OLFM1: variants seen among roughly 807,000 people sequenced by gnomAD.
OLFM1 encodes olfactomedin 1, also known as noelin.
Under a neutral mutation model 49.7 loss-of-function variants are expected in OLFM1, and 9 were observed. The observed-to-expected ratio is 0.18, with a 90% CI of 0.11 to 0.32. The LOEUF is 0.32. OLFM1 is among the 10% of genes least tolerant of loss of function. The probability of loss-of-function intolerance (pLI) is 1.00; values close to 1 mark genes in which losing one functional copy is unlikely to be tolerated. For synonymous variants in OLFM1, 240 were observed against 271.8 expected (o/e 0.88, Z 1.15); for missense variants, 369 against 661.8 (o/e 0.56, Z 4.85).
chr9:135,090,313 G>T lies in OLFM1; in HGVS notation c.269G>T (p.Arg90Leu). ...PQQTMCSRDARTKQLRQLLEK... is the reference protein window; with the variant it reads ...PQQTMCSRDALTKQLRQLLEK... ...CAGACCATGTGTTCACGGGATGCCC[G>T]CACAAAACAGCTGAGGCAGCTACTG... is the stretch of plus-strand genomic sequence containing the variant. The change falls in exon 2 of 6, where the codon CGC becomes CTC. Residue 90 changes from arginine (R) to leucine (L), a missense_variant. Coordinates refer to ENST00000371793, the MANE Select transcript of OLFM1 (RefSeq NM_001282611.2). 1 of 1,613,962 alleles carries T rather than the reference G, an allele frequency of 6.2e-7. No individual in the cohort carries two copies. Among genetic ancestry groups the T allele is most frequent in the Non-Finnish European group, 8.5e-7 (1 of 1,179,982 alleles).
intron 4 of OLFM1, among the ~76,000 whole-genome samples, chr9:135,101,722 C>G (rs1390037631): frequency 6.6e-6 from 1 of 152,180 alleles, no homozygotes; most frequent in Admixed American, 6.5e-5. Flanking sequence ...TCCAGGGGAG[C>G]CTGCAGAGTC....
chr9:135,091,788 T>TAGTCACACACACTCACAC (rs1830712020), intron 2 of OLFM1, among the ~76,000 whole-genome samples: 5 of 57,698 alleles, frequency 8.7e-5, no homozygotes, highest in Admixed American at 3.3e-4. Flanking sequence ...CACTCACACA[T>TAGTCACACACACTCACAC]AGTCACACAG....
chr9:135,094,012 C>A (rs1188765290), intron 2 of OLFM1, among the ~76,000 whole-genome samples: 3 of 152,218 alleles, frequency 2.0e-5, no homozygotes, highest in Admixed American at 6.5e-5. Context: ...AAGCCTACAG[C>A]ACCGTGTGTG....
rs755462351 is a variant in OLFM1, at chr9:135,090,210, C to G, written c.166C>G (p.Pro56Ala). ...DRSTGVLPTN[P>A]EESWQVYSSA... The stretch of plus-strand genomic sequence containing the variant: ...CCCTCTCCAGGTGCTGCCCACCAAC[C>G]CTGAGGAGAGCTGGCAGGTGTACAG... The change falls in exon 2 of 6, where the codon CCT becomes GCT. Residue 56 changes from proline to alanine, a missense_variant. Around this residue, in one of 3 missense-constraint regions of OLFM1, gnomAD observed 55 missense variants for 53.3 expected, o/e 1.03. Transcript: ENST00000371793. 13 of 1,612,152 alleles carry G rather than the reference C, an allele frequency of 8.1e-6. No individual in the cohort carries two copies. Among genetic ancestry groups the G allele is most frequent in the Non-Finnish European group, 1.1e-5 (13 of 1,178,680 alleles).
intron 2 of OLFM1, 128 bp downstream of exon 2, chr9:135,090,472 T>G (rs1382102015): frequency 2.2e-6 from 2 of 928,608 alleles, no homozygotes; most frequent in Non-Finnish European, 1.6e-6. Flanking sequence ...TTTGACTCTT[T>G]CCTGGTTTGT....
chr9:135,102,338 G>A (rs1830881868), intron 4 of OLFM1, among the ~76,000 whole-genome samples: 1 of 152,242 alleles, frequency 6.6e-6, no homozygotes, highest in Non-Finnish European at 1.5e-5. Context: ...TAGACAGTGA[G>A]CCACTGTCAC....
At chr9:135,097,637 T>G (rs1045855985) in intron 3 of OLFM1, 1 of 767,672 alleles carries the variant, frequency 1.3e-6, no homozygotes, top group African/African-American at 1.7e-5. Context: ...TCAATAACTC[T>G]TAAAGCAGTT....
chr9:135,082,264 G>A (rs900190270), intron 1 of OLFM1, among the ~76,000 whole-genome samples: 5 of 152,218 alleles, frequency 3.3e-5, no homozygotes, highest in Admixed American at 6.5e-5. Context: ...TCCACATTCA[G>A]ATCAGCAGTT....
Position 135,096,013 on chromosome 9 carries a change from G to C in OLFM1, c.450G>C (p.Gln150His). 1.4e-6 allele frequency: 2 copies of C among 1,435,042 alleles called. No individual in the cohort carries two copies. Among genetic ancestry groups the C allele is most frequent in the Non-Finnish European group, 1.8e-6 (2 of 1,086,114 alleles). 88.9% of individuals were successfully genotyped at this position (1,435,042 alleles called of 1,614,324 possible). The change falls in exon 3 of 6, where the codon CAG becomes CAC. Residue 150 changes from glutamine (Q) to histidine (H), a missense_variant. Around this residue, in one of 3 missense-constraint regions of OLFM1, gnomAD observed 294 missense variants for 567.5 expected, o/e 0.52. Transcript: ENST00000371793. ...EESHKQHLAR[Q>H]FKAIKAKMDE... ...GTCATAAGCAACACCTGGCCAGGCA[G>C]TTTAAGGTATGCATGTTCCTCCCCC...
chr9:135,103,152 G>A (rs557905384), intron 4 of OLFM1, among the ~76,000 whole-genome samples: 52 of 152,276 alleles, frequency 3.4e-4, no homozygotes, highest in African/African-American at 1.2e-3. Flanking sequence ...GCCATTTCCT[G>A]AGCCTCCAAC....
intron 2 of OLFM1, among the ~76,000 whole-genome samples, chr9:135,094,360 T>C (rs1234616165): frequency 6.6e-6 from 1 of 152,238 alleles, no homozygotes; most frequent in Non-Finnish European, 1.5e-5. Context: ...AGTTTGCAGC[T>C]AGTTTTAACT....
At chr9:135,087,478 T>C, upstream of OLFM1, 1 of 1,509,294 alleles carries the variant, frequency 6.6e-7, no homozygotes, top group Non-Finnish European at 8.9e-7. Context: ...TGTGTCCGTC[T>C]CCTCATGTCA....
At chr9:135,097,783 C>T (rs745729229) in intron 3 of OLFM1, 6 of 1,613,370 alleles carry the variant, frequency 3.7e-6, no homozygotes, top group Non-Finnish European at 5.1e-6. Context: ...ACTTGCAGGG[C>T]TAACTTAAAA....
chr9:135,114,204 G>A (rs1162512816), intron 5 of OLFM1, among the ~76,000 whole-genome samples: 3 of 136,630 alleles, frequency 2.2e-5, no homozygotes, highest in East Asian at 2.2e-4. Flanking sequence ...GCAGTGGTGC[G>A]ATCTCGGCTC....
intron 4 of OLFM1, among the ~76,000 whole-genome samples, chr9:135,105,442 G>A (rs1378369124): frequency 6.6e-6 from 1 of 152,232 alleles, no homozygotes; most frequent in Non-Finnish European, 1.5e-5. Context: ...CGGCAGGGCC[G>A]GGAGCGTTCC....
intron 5 of OLFM1, among the ~76,000 whole-genome samples, chr9:135,115,237 C>T (rs1368314142): frequency 6.6e-6 from 1 of 152,250 alleles, no homozygotes. Context: ...ACATTCACCA[C>T]TCAGGTCTGC....
intron 4 of OLFM1, among the ~76,000 whole-genome samples, chr9:135,104,289 T>G (rs1830908981): frequency 6.6e-6 from 1 of 152,158 alleles, no homozygotes. Context: ...GGAGCAAAGC[T>G]GCGTGAACCA....
chr9:135,091,064 G>A (rs760717172), intron 2 of OLFM1, among the ~76,000 whole-genome samples: 1 of 152,230 alleles, frequency 6.6e-6, no homozygotes, highest in Non-Finnish European at 1.5e-5. Flanking sequence ...GGCTCCCAAG[G>A]GGTGGACTTA....
Position 135,088,103 on chromosome 9 carries a change from G to A in OLFM1, c.114G>A (p.Ser38=). The change falls in exon 1 of 6, where the codon TCG becomes TCA. Residue 38 remains serine (S), a synonymous_variant. Coordinates refer to ENST00000371793, the MANE Select transcript of OLFM1 (RefSeq NM_001282611.2). The surrounding 1 kb of genome is among the most constrained non-coding windows in gnomAD (Gnocchi z 4.8). ...TGGGCCTCAACACCACCAAGCTCTC[G>A]GCGGCCGGCGGCGGGACGCTGGACC... ...SLVGLNTTKL[S]AAGGGTLDRS... The A allele has an allele frequency of 1.4e-6, 2 of 1,412,878 alleles. No homozygotes were observed. The highest frequency in any genetic ancestry group is 1.9e-6 in the Non-Finnish European group (2 of 1,067,098). The allele number at this position is 1,412,878 out of a possible 1,614,324, so 87.5% of individuals were successfully genotyped here. A position where few individuals can be genotyped will look rare whatever the true frequency, so the allele number is the denominator to read the frequency against.
Sources: allele counts gnomAD v4.1 joint callset (sites outside exome capture counted in the v4.1 genomes callset), GRCh38; gene constraint gnomAD v4.1.1; regional missense constraint gnomAD v4.1.1; non-coding constraint Gnocchi (gnomAD v3.1); transcripts MANE v1.5; gene names NCBI Gene and HGNC (gene_info 2026-07-23, HGNC 2026-07-21).